Variants in PRKG1 observed in about 807,000 individuals in gnomAD.
PRKG1 encodes the protein cGMP-dependent protein kinase 1.
In PRKG1, 35 loss-of-function variants were observed where a neutral mutation model predicts 88.1. That is an observed-to-expected ratio of 0.40 (90% CI 0.30 to 0.53). The LOEUF is 0.53. PRKG1 is among the 20% of genes least tolerant of loss of function. The pLI, the probability that PRKG1 is intolerant of heterozygous loss-of-function variation, is 0.59. For synonymous variants in PRKG1, 303 were observed against 292.5 expected (o/e 1.04, Z -0.37); for missense variants, 540 against 839.8 (o/e 0.64, Z 4.41).
intron 9 of PRKG1, among the ~76,000 whole-genome samples, chr10:52,245,875 G>T (rs1284092434): frequency 2.6e-5 from 4 of 151,490 alleles, no homozygotes; most frequent in Non-Finnish European, 5.9e-5. Flanking sequence ...AACTAATAGG[G>T]CTATATTTGC....
chr10:51,612,186 G>A (rs1589130512), intron 3 of PRKG1, among the ~76,000 whole-genome samples: 1 of 151,990 alleles, frequency 6.6e-6, no homozygotes, highest in South Asian at 2.1e-4. Flanking sequence ...AATGACATTA[G>A]TATTTTCATA....
chr10:51,023,369 C>T (rs750796384), intron 1 of PRKG1, among the ~76,000 whole-genome samples: 27 of 152,300 alleles, frequency 1.8e-4, no homozygotes, highest in Non-Finnish European at 3.1e-4. Context: ...ATATGTGCTA[C>T]ACAACCCTTA....
At position 52,293,863 on chromosome 10, in the gene PRKG1, C is replaced by G; in HGVS notation, c.2024C>G (p.Pro675Arg). 1 of 1,612,910 alleles carries G rather than the reference C, an allele frequency of 6.2e-7. No homozygotes were observed. The highest frequency in any genetic ancestry group is 8.5e-7 in the Non-Finnish European group (1 of 1,179,118). The part of the protein sequence containing the change: ...DSFPEDNDEP[P>R]PDDNSGWDID... ...TTCCCTGAGGACAACGATGAACCAC[C>G]ACCTGATGACAACTCAGGATGGGAT... is the stretch of plus-strand genomic sequence containing the variant. The change falls in exon 18 of 18, where the codon CCA (proline) becomes CGA (arginine). Residue 675 changes from proline to arginine, a missense_variant. This residue lies in a region of PRKG1 where 26 missense variants were observed against 18.4 expected (regional missense o/e 1.41). Transcript: ENST00000373980.
intron 3 of PRKG1, among the ~76,000 whole-genome samples, chr10:51,688,390 T>C (rs1207840045): frequency 6.6e-6 from 1 of 152,098 alleles, no homozygotes; most frequent in Non-Finnish European, 1.5e-5. Flanking sequence ...AGGACTGGAA[T>C]GGTGGCAGGC....
intron 1 of PRKG1, among the ~76,000 whole-genome samples, chr10:51,146,716 T>G (rs1255701044): frequency 6.6e-6 from 1 of 152,140 alleles, no homozygotes. Context: ...GGTCTTACAT[T>G]TAGGTCTTTA....
chr10:51,772,238 G>A (rs547080130), intron 3 of PRKG1, among the ~76,000 whole-genome samples: 1 of 152,224 alleles, frequency 6.6e-6, no homozygotes, highest in East Asian at 1.9e-4. Context: ...TTAAAAGTAT[G>A]TGTACATTTT....
rs77609184 is a variant in PRKG1, at chr10:51,499,242, G to A, written c.592+31406G>A. Among the ~76,000 whole-genome samples, 933 of 152,270 alleles carry A rather than the reference G, an allele frequency of 6.1e-3. 7 individuals are homozygous for A. Among genetic ancestry groups the A allele is most frequent in the African/African-American group, 0.02 (811 of 41,546 alleles). Reference sequence around the variant, plus strand: ...CAAAGATACTTGGCCTTCTAGAAGAGGCAGCTGTGCAACTCTATGAGTGTA... The same window carrying A: ...CAAAGATACTTGGCCTTCTAGAAGAAGCAGCTGTGCAACTCTATGAGTGTA... On this transcript the variant is annotated intron_variant, in intron 3 of 17. Coordinates refer to ENST00000373980, the MANE Select transcript of PRKG1 (RefSeq NM_006258.4).
At chr10:51,442,010 G>T (rs1338242401) in intron 2 of PRKG1, among the ~76,000 whole-genome samples, 1 of 151,382 alleles carries the variant, frequency 6.6e-6, no homozygotes, top group African/African-American at 2.4e-5. Flanking sequence ...CCAAGTTTAA[G>T]TTATCCGGAG....
At chr10:51,002,153 G>C (rs1033752029) in intron 1 of PRKG1, among the ~76,000 whole-genome samples, 2 of 150,870 alleles carry the variant, frequency 1.3e-5, no homozygotes, top group African/African-American at 4.9e-5. Flanking sequence ...GGAGAAAACA[G>C]AGAAATAATG....
chr10:51,237,578 C>T (rs1466070728), intron 2 of PRKG1, among the ~76,000 whole-genome samples: 1 of 152,162 alleles, frequency 6.6e-6, no homozygotes, highest in Non-Finnish European at 1.5e-5. Flanking sequence ...CATTGACTGG[C>T]ACCCACGCTC....
rs1044997353 is a variant in PRKG1 at position 52,128,360 on chromosome 10, T to C, written c.936-5480T>C. On this transcript the variant is annotated intron_variant, in intron 7 of 17. Coordinates refer to ENST00000373980, the MANE Select transcript of PRKG1 (RefSeq NM_006258.4). ...TTTGGCCTCATACATTCTGTGTTTGTTCCCCTGAGGTATCAATGAACGCTA... is the reference window on the plus strand; with the variant it reads ...TTTGGCCTCATACATTCTGTGTTTGCTCCCCTGAGGTATCAATGAACGCTA... 8 of 985,290 alleles carry C rather than the reference T, an allele frequency of 8.1e-6. No homozygotes were observed. In the Admixed American group the frequency reaches 2.5e-4, roughly 30 times the overall value. The allele number at this position is 985,290 out of a possible 1,614,324, so 61.0% of individuals were successfully genotyped here.
intron 5 of PRKG1, among the ~76,000 whole-genome samples, chr10:51,914,633 T>A (rs990351974): frequency 6.6e-6 from 1 of 152,224 alleles, no homozygotes; most frequent in Admixed American, 6.5e-5. Flanking sequence ...AATTTTCCCT[T>A]TAAAACATTT....
At chr10:51,040,577 C>T (rs1421254749) in intron 1 of PRKG1, among the ~76,000 whole-genome samples, 2 of 151,952 alleles carry the variant, frequency 1.3e-5, no homozygotes, top group Non-Finnish European at 2.9e-5. Flanking sequence ...CTAGGCCTCC[C>T]AAAGTTCTAG....
At chr10:51,785,081 A>G (rs1838693594) in intron 3 of PRKG1, among the ~76,000 whole-genome samples, 1 of 150,912 alleles carries the variant, frequency 6.6e-6, no homozygotes, top group South Asian at 2.1e-4. Context: ...ATATTTGGGA[A>G]CATAACAAGT....
chr10:51,578,408 C>T lies in PRKG1; in HGVS notation c.592+110572C>T, dbSNP rs531486112. 2.0e-5 allele frequency among the ~76,000 whole-genome samples: 3 copies of T among 152,194 alleles called. No individual in the cohort carries two copies. In the South Asian group the frequency reaches 6.2e-4, roughly 32 times the overall value. The stretch of plus-strand genomic sequence containing the variant: ...CCTTGTCATTTTCTGTTTTTAAAGA[C>T]ATTCTTCTGTCCAATCCTCATCTTT... On this transcript the variant is annotated intron_variant, in intron 3 of 17. Transcript: ENST00000373980.
At chr10:51,231,408 C>T (rs957932109) in intron 2 of PRKG1, among the ~76,000 whole-genome samples, 21 of 152,100 alleles carry the variant, frequency 1.4e-4, no homozygotes, top group Non-Finnish European at 2.9e-4. Context: ...AGTGAGCAGC[C>T]AAATTGTGCG....
At chr10:51,993,641 T>C (rs78491598) in intron 5 of PRKG1, among the ~76,000 whole-genome samples, 2,458 of 152,250 alleles carry the variant, frequency 0.016, 68 homozygotes, top group African/African-American at 0.055. Context: ...ATAGGTAAAG[T>C]AGTGACAGCA....
At chr10:51,462,358 G>C (rs932411361) in intron 2 of PRKG1, among the ~76,000 whole-genome samples, 1 of 152,160 alleles carries the variant, frequency 6.6e-6, no homozygotes, top group African/African-American at 2.4e-5. Flanking sequence ...TATCATGAAA[G>C]TCCTTATGGC....
chr10:51,727,442 T>A (rs1842163938), intron 3 of PRKG1, among the ~76,000 whole-genome samples: 1 of 152,134 alleles, frequency 6.6e-6, no homozygotes, highest in Non-Finnish European at 1.5e-5. Context: ...GGTCAATGTG[T>A]CACTCTTAGC....
Sources: allele counts gnomAD v4.1 joint callset (sites outside exome capture counted in the v4.1 genomes callset), GRCh38; gene constraint gnomAD v4.1.1; regional missense constraint gnomAD v4.1.1; transcripts MANE v1.5; gene names NCBI Gene and HGNC (gene_info 2026-07-23, HGNC 2026-07-21).